MAP3K7: variants seen among roughly 807,000 people sequenced by gnomAD.
The protein encoded by MAP3K7 is TGF-beta activated kinase 1.
In MAP3K7, 21 loss-of-function variants were observed where a neutral mutation model predicts 84.8. The observed-to-expected ratio is 0.25, with a 90% confidence interval of 0.18 to 0.36. The LOEUF (loss-of-function observed/expected upper bound fraction) is 0.36. Among genes scored for constraint, MAP3K7 ranks in the 10% least tolerant of loss-of-function variants. MAP3K7 has a pLI of 1.00. For missense variants in MAP3K7, 503 were observed against 747.7 expected (o/e 0.67, Z 3.82); for synonymous variants, 241 against 247.7 (o/e 0.97, Z 0.25).
intron 12 of MAP3K7, among the ~76,000 whole-genome samples, chr6:90,540,659 A>C (rs1371497309): frequency 6.6e-6 from 1 of 151,872 alleles, no homozygotes; most frequent in Non-Finnish European, 1.5e-5. Context: ...ATGCATTATA[A>C]TTACAGTTTA....
chr6:90,523,714 T>C lies in MAP3K7; in HGVS notation c.1426A>G (p.Thr476Ala), dbSNP rs1582161840. ...TTSGPTSEKP[T>A]RSHPWTPDDS... is the part of the protein sequence containing the mutation. ...TCAGGGGTCCATGGATGACTTCGAG[T>C]TGGCTTTTCTGAGGTTGGTCCTGAG... Residue 476 changes from threonine (T) to alanine (A), a missense_variant, in exon 14 of 17, where the codon ACT (threonine) becomes GCT (alanine). Transcript: ENST00000369329. 4 of 1,613,406 alleles carry C rather than the reference T, an allele frequency of 2.5e-6. No individual in the cohort carries two copies. Among genetic ancestry groups the C allele is most frequent in the Non-Finnish European group, 2.5e-6 (3 of 1,179,600 alleles).
intron 3 of MAP3K7, among the ~76,000 whole-genome samples, chr6:90,564,555 C>G (rs1195089767): frequency 1.3e-5 from 2 of 152,134 alleles, no homozygotes; most frequent in Non-Finnish European, 2.9e-5. Context: ...TACAGGAGCA[C>G]CCAGATTCAT....
chr6:90,574,533 T>A (rs957265241), intron 1 of MAP3K7, among the ~76,000 whole-genome samples: 7 of 152,324 alleles, frequency 4.6e-5, no homozygotes, highest in African/African-American at 1.7e-4. Context: ...CCTATTGATA[T>A]TACTATTAAA....
At chr6:90,585,675 G>A (rs1418169698) in intron 1 of MAP3K7, among the ~76,000 whole-genome samples, 1 of 152,114 alleles carries the variant, frequency 6.6e-6, no homozygotes, top group East Asian at 1.9e-4. Context: ...GAAAAACGAC[G>A]CTTTAAAGTC....
rs1777486210 is a variant in MAP3K7, at chr6:90,586,981, A to G, written c.-98T>C. On this transcript the variant is annotated 5_prime_UTR_variant, in exon 1 of 17. Transcript: ENST00000369329. ...GCCTCCGGACCGACCCTCAGCCTGGAGCCGCGCAGTCCTACTACCCGGCGA... is the reference window on the plus strand; with the variant it reads ...GCCTCCGGACCGACCCTCAGCCTGGGGCCGCGCAGTCCTACTACCCGGCGA... 2 of 1,371,656 alleles carry G rather than the reference A, an allele frequency of 1.5e-6. No individual in the cohort carries two copies. The highest frequency in any genetic ancestry group is 1.9e-6 in the Non-Finnish European group (2 of 1,052,594). The allele number at this position is 1,371,656 out of a possible 1,614,324, so 85.0% of individuals were successfully genotyped here.
At chr6:90,567,765 T>G (rs1348210653) in intron 3 of MAP3K7, among the ~76,000 whole-genome samples, 1 of 152,214 alleles carries the variant, frequency 6.6e-6, no homozygotes, top group Non-Finnish European at 1.5e-5. Flanking sequence ...CATGGACACG[T>G]ATGTTTACTG....
chr6:90,571,676 AGAAAT>A lies in MAP3K7; in HGVS notation c.231+16_231+20del, dbSNP rs1179598467. The A allele has an allele frequency of 2.1e-6, 3 of 1,442,240 alleles. No homozygotes were observed. The highest frequency in any genetic ancestry group is 2.4e-5 in the East Asian group (1 of 42,214). The allele number at this position is 1,442,240 out of a possible 1,614,324, so 89.3% of individuals were successfully genotyped here. A position where few individuals can be genotyped will look rare whatever the true frequency, so the allele number is the denominator to read the frequency against. On this transcript the variant is annotated intron_variant, in intron 2 of 16. Coordinates refer to ENST00000369329, the MANE Select transcript of MAP3K7 (RefSeq NM_145331.3). ...TATCTTAAGTGCAGAACTACACAAAAGAAATGAAATCTCAACTTACCTCTACAATA... is the reference window on the plus strand; with the variant it reads ...TATCTTAAGTGCAGAACTACACAAAAGAAATCTCAACTTACCTCTACAATA...
At chr6:90,553,865 T>C (rs1312083936) in intron 6 of MAP3K7, among the ~76,000 whole-genome samples, 41 of 152,202 alleles carry the variant, frequency 2.7e-4, no homozygotes, top group Admixed American at 2.7e-3. Context: ...GCACAGGACT[T>C]GACTTTTATG....
chr6:90,586,567 G>A (rs1476015867), intron 1 of MAP3K7, among the ~76,000 whole-genome samples, 197 bp downstream of exon 1: 1 of 152,106 alleles, frequency 6.6e-6, no homozygotes, highest in Non-Finnish European at 1.5e-5. Flanking sequence ...GAGGAAAAAA[G>A]GCAGCTACTC....
At chr6:90,532,792 C>G (rs1341129511) in intron 13 of MAP3K7, among the ~76,000 whole-genome samples, 1 of 152,128 alleles carries the variant, frequency 6.6e-6, no homozygotes, top group African/African-American at 2.4e-5. Flanking sequence ...TAACCTTGTT[C>G]AATGATATGA....
intron 5 of MAP3K7, among the ~76,000 whole-genome samples, chr6:90,559,870 A>G (rs551859874): frequency 2.0e-5 from 3 of 152,352 alleles, no homozygotes; most frequent in African/African-American, 7.2e-5. Context: ...AAAAATAAAA[A>G]TCCCACTAAA....
intron 1 of MAP3K7, among the ~76,000 whole-genome samples, chr6:90,584,564 A>G (rs1003388848): frequency 6.6e-6 from 1 of 152,194 alleles, no homozygotes; most frequent in Non-Finnish European, 1.5e-5. Context: ...TTGGAAACAC[A>G]GAAACCTAAC....
At chr6:90,573,540 T>A (rs1041926261) in intron 1 of MAP3K7, among the ~76,000 whole-genome samples, 6 of 152,242 alleles carry the variant, frequency 3.9e-5, no homozygotes, top group Non-Finnish European at 7.3e-5. Flanking sequence ...GTTCAATGTC[T>A]AAAGCTACTC....
In MAP3K7 at chr6:90,536,619, G is replaced by T. The variant is rs35980984; in HGVS notation, c.1292-218C>A. 1.9e-3 allele frequency: 982 copies of T among 518,658 alleles called. 11 individuals carry two copies. The highest frequency in any genetic ancestry group is 0.018 in the African/African-American group (910 of 51,738). 32.1% of individuals were successfully genotyped at this position (518,658 alleles called of 1,614,324 possible). ...GCTGCGGTGTTTTAACTCAAAAGTT[G>T]CTGGCCTACAACAGAGTATGTCCTA... On this transcript the variant is annotated intron_variant, in intron 12 of 16. Transcript: ENST00000369329.
At chr6:90,521,918 G>T (rs1478613629) in intron 14 of MAP3K7, among the ~76,000 whole-genome samples, 2 of 152,142 alleles carry the variant, frequency 1.3e-5, no homozygotes, top group African/African-American at 4.8e-5. Flanking sequence ...AATTTAATTA[G>T]GTCACTTTAA....
At chr6:90,527,692 G>GACC (rs1562080805) in intron 13 of MAP3K7, among the ~76,000 whole-genome samples, 1 of 152,160 alleles carries the variant, frequency 6.6e-6, no homozygotes, top group Non-Finnish European at 1.5e-5. Context: ...AACACACAGG[G>GACC]ACCAACCCCC....
chr6:90,571,404 T>C (rs1776895701), intron 2 of MAP3K7, among the ~76,000 whole-genome samples: 1 of 152,148 alleles, frequency 6.6e-6, no homozygotes, highest in African/African-American at 2.4e-5. Flanking sequence ...TTCTTTTCTA[T>C]TTTAAAATTA....
intron 2 of MAP3K7, among the ~76,000 whole-genome samples, chr6:90,570,636 C>T (rs1776870619): frequency 6.6e-6 from 1 of 152,172 alleles, no homozygotes; most frequent in South Asian, 2.1e-4. Context: ...GTCTTTTTTA[C>T]TAAGAATTTT....
chr6:90,565,882 A>C (rs1483645130), intron 3 of MAP3K7, among the ~76,000 whole-genome samples: 26 of 152,240 alleles, frequency 1.7e-4, no homozygotes, highest in Admixed American at 1.7e-3. Context: ...AGTTGGCCTC[A>C]TCCCTGGGTT....
Sources: gnomAD v4.1 joint callset for allele counts (sites outside exome capture counted in the v4.1 genomes callset) on GRCh38, gnomAD v4.1.1 for gene constraint, MANE v1.5 for transcripts, NCBI Gene and HGNC (gene_info 2026-07-23, HGNC 2026-07-21) for gene names.